Variants in SLC20A1 observed in about 807,000 individuals in gnomAD.
SLC20A1 encodes the protein solute carrier family 20 member 1, also known as sodium-dependent phosphate transporter 1.
A neutral mutation model predicts 62.7 loss-of-function variants in SLC20A1; 28 were observed. The observed-to-expected ratio is 0.45, with a 90% CI of 0.33 to 0.61. The LOEUF (loss-of-function observed/expected upper bound fraction) is 0.61. Ranked by LOEUF, SLC20A1 falls within the 20% of genes least tolerant of loss-of-function variation. The pLI is 0.02. For synonymous variants in SLC20A1, 305 were observed against 302.9 expected (o/e 1.01, Z -0.07); for missense variants, 673 against 838.6 (o/e 0.80, Z 2.44).
chr2:112,647,389 G>A lies in SLC20A1; in HGVS notation c.400G>A (p.Val134Ile). The A allele has an allele frequency of 6.2e-7, 1 of 1,614,106 alleles. No homozygotes were observed. Among genetic ancestry groups the A allele is most frequent in the Non-Finnish European group, 8.5e-7 (1 of 1,179,984 alleles). ...KLPISGTHCI[V>I]GATIGFSLVA... ...CCCTATTTCTGGAACCCATTGTATT[G>A]TTGGTGCAACTATTGGTTTCTCCCT... The change falls in exon 3 of 11, where the codon GTT (valine) becomes ATT (isoleucine). Residue 134 changes from valine (V) to isoleucine (I), a missense_variant. Val to Ile is a conservative substitution (Grantham distance 29). Coordinates refer to ENST00000272542, the MANE Select transcript of SLC20A1 (RefSeq NM_005415.5).
chr2:112,660,147 T>C (rs1233017884), intron 8 of SLC20A1, among the ~76,000 whole-genome samples: 2 of 152,226 alleles, frequency 1.3e-5, no homozygotes, highest in African/African-American at 4.8e-5. Context: ...AGAGTTGCTT[T>C]AAGCTGCCTA....
chr2:112,655,962 A>G (rs1250920534), intron 5 of SLC20A1, among the ~76,000 whole-genome samples: 2 of 151,974 alleles, frequency 1.3e-5, no homozygotes, highest in Non-Finnish European at 2.9e-5. Context: ...CAGCCTCCCA[A>G]AGTGCTGGGA....
At chr2:112,648,982 T>C (rs1183678147) in intron 4 of SLC20A1, among the ~76,000 whole-genome samples, 1 of 152,254 alleles carries the variant, frequency 6.6e-6, no homozygotes, top group Non-Finnish European at 1.5e-5. Flanking sequence ...GAAGCATTAG[T>C]AGGATCTCCT....
chr2:112,648,892 C>A lies in SLC20A1; in HGVS notation c.561+1154C>A, dbSNP rs193077553. Among the ~76,000 whole-genome samples the A allele has an allele frequency of 1.9e-4, 29 of 152,346 alleles. 1 individual carries two copies. In the East Asian group the frequency reaches 5.2e-3, roughly 27 times the overall value. On this transcript the variant is annotated intron_variant, in intron 4 of 10. Coordinates refer to ENST00000272542, the MANE Select transcript of SLC20A1 (RefSeq NM_005415.5). The stretch of plus-strand genomic sequence containing the variant: ...TGGGATGCTTAAATTAGAGGCTCAC[C>A]AGTAGTCATGGACCAGATTTTTTTG...
At position 112,663,201 on chromosome 2, in the gene SLC20A1, C is replaced by A. The variant is rs74335232; in HGVS notation, c.*176C>A. On this transcript the variant is annotated 3_prime_UTR_variant, in exon 11 of 11. Transcript: ENST00000272542. The stretch of plus-strand genomic sequence containing the variant: ...CTTTTGTGCTAAATATGAATTGTCT[C>A]AAAATTAGCTGTGTAAAATAGCCCG... 0.02 allele frequency: 15,464 copies of A among 784,254 alleles called. 224 individuals carry two copies. Among genetic ancestry groups the A allele is most frequent in the Admixed American group, 0.02 (1,011 of 49,758 alleles). 48.6% of individuals were successfully genotyped at this position (784,254 alleles called of 1,614,324 possible).
At position 112,662,447 on chromosome 2, in the gene SLC20A1, G is replaced by C. The variant is rs554433628; in HGVS notation, c.1879-417G>C. Among the ~76,000 whole-genome samples the C allele has an allele frequency of 3.4e-4, 33 of 98,184 alleles. No individual in the cohort carries two copies. In the South Asian group the frequency reaches 0.014, roughly 41 times the overall value. 64.4% of individuals were successfully genotyped at this position (98,184 alleles called of 152,430 possible). On this transcript the variant is annotated intron_variant, in intron 10 of 10. Transcript: ENST00000272542. ...ATACAAAAAATTAGCTAGGCGTGGT[G>C]GTGGGTGCCTGTAATCCCAGCACTT...
chr2:112,647,705 A>T lies in SLC20A1; in HGVS notation c.528A>T (p.Leu176Phe). ...PLLSGIMSGI[L>F]FFLVRAFILH... is the part of the protein sequence containing the mutation. ...TTTCTGGAATTATGTCTGGAATTTT[A>T]TTCTTCCTGGTTCGTGCATTCATCC... Residue 176 changes from leucine to phenylalanine, a missense_variant, in exon 4 of 11, where the codon TTA becomes TTT. By Grantham distance (22) the Leu-to-Phe change is conservative. Coordinates refer to ENST00000272542, the MANE Select transcript of SLC20A1 (RefSeq NM_005415.5). The T allele has an allele frequency of 6.2e-7, 1 of 1,614,058 alleles. No homozygotes were observed. The highest frequency in any genetic ancestry group is 8.5e-7 in the Non-Finnish European group (1 of 1,179,958).
chr2:112,651,805 TC>T (rs1238459736), intron 4 of SLC20A1: 1 of 152,236 alleles, frequency 6.6e-6, no homozygotes, highest in African/African-American at 2.4e-5. Context: ...GCCTTACTGT[TC>T]CTTAAACATT....
chr2:112,660,690 C>G, intron 9 of SLC20A1, 118 bp downstream of exon 9: 1 of 801,702 alleles, frequency 1.2e-6, no homozygotes, highest in Non-Finnish European at 1.8e-6. Flanking sequence ...TCATGATGTT[C>G]TTATTGTCAT....
intron 9 of SLC20A1, chr2:112,660,836 C>T (rs1686729732): frequency 2.4e-6 from 1 of 416,568 alleles, no homozygotes; most frequent in Non-Finnish European, 4.1e-6. Flanking sequence ...GTTATGTATA[C>T]TTGCCTTTTA....
chr2:112,658,598 A>T (rs1686663049), intron 6 of SLC20A1: 2 of 465,130 alleles, frequency 4.3e-6, no homozygotes, highest in African/African-American at 4.0e-5. Flanking sequence ...ATATTTACAG[A>T]AAAATTTTGG....
rs558248507 is a variant in SLC20A1, at chr2:112,646,881, T to C, written c.53T>C (p.Leu18Ser). ...GCTGCTACCGCCGCTTCTGGTCCTTTGGTGGACTACCTATGGATGCTCATC... is the reference window on the plus strand; with the variant it reads ...GCTGCTACCGCCGCTTCTGGTCCTTCGGTGGACTACCTATGGATGCTCATC... ...TTAATAASGP[L>S]VDYLWMLILG... Residue 18 changes from leucine to serine, a missense_variant, in exon 2 of 11, where the codon TTG becomes TCG. Leu to Ser is a moderately radical substitution (Grantham distance 145). Transcript: ENST00000272542. 1.2e-6 allele frequency: 2 copies of C among 1,613,974 alleles called. No homozygotes were observed. Among genetic ancestry groups the C allele is most frequent in the East Asian group, 2.2e-5 (1 of 44,882 alleles).
In SLC20A1 at chr2:112,663,724, A is replaced by G. The variant is rs1483818812; in HGVS notation, c.*699A>G. 1.3e-5 allele frequency: 2 copies of G among 153,194 alleles called. No individual in the cohort carries two copies. The highest frequency in any genetic ancestry group is 6.5e-5 in the Admixed American group (1 of 15,312). 9.5% of individuals were successfully genotyped at this position (153,194 alleles called of 1,614,324 possible). ...GATTTCTGGCAGTGTGGGATGGATG[A>G]ATGAAGTGGAATGTGAACTTTGGGC... On this transcript the variant is annotated 3_prime_UTR_variant, in exon 11 of 11. Transcript: ENST00000272542.
intron 4 of SLC20A1, chr2:112,652,396 T>C (rs1574182852): frequency 4.9e-6 from 2 of 408,488 alleles, no homozygotes; most frequent in Non-Finnish European, 8.9e-6. Context: ...GTGCTGAAGT[T>C]TATATTAGGG....
chr2:112,654,762 G>A (rs1686536852), intron 5 of SLC20A1, among the ~76,000 whole-genome samples: 1 of 151,872 alleles, frequency 6.6e-6, no homozygotes, highest in South Asian at 2.1e-4. Flanking sequence ...CAGGTGCAGT[G>A]GCAGGCGCCT....
At chr2:112,655,944 A>G (rs1025360578) in intron 5 of SLC20A1, among the ~76,000 whole-genome samples, 3 of 151,728 alleles carry the variant, frequency 2.0e-5, no homozygotes, top group Non-Finnish European at 4.4e-5. Flanking sequence ...CAGGTGCTCC[A>G]CCTGTCTCAG....
chr2:112,648,001 A>C (rs1464040426), intron 4 of SLC20A1, among the ~76,000 whole-genome samples: 1 of 152,096 alleles, frequency 6.6e-6, no homozygotes, highest in Non-Finnish European at 1.5e-5. Context: ...AAAATAAGGA[A>C]ATTTATTTTG....
intron 5 of SLC20A1, among the ~76,000 whole-genome samples, chr2:112,655,730 T>C (rs1686567168): frequency 6.6e-6 from 1 of 152,098 alleles, no homozygotes; most frequent in Non-Finnish European, 1.5e-5. Context: ...AGTTTCGCTC[T>C]TGTCACCCAG....
intron 5 of SLC20A1, 154 bp from the exon 6 acceptor site, chr2:112,656,968 C>A: frequency 1.1e-6 from 1 of 893,342 alleles, no homozygotes; most frequent in Non-Finnish European, 1.9e-6. Context: ...TGTATAGGCA[C>A]TAGCACAGTA....
Sources: gnomAD v4.1 joint callset for allele counts (sites outside exome capture counted in the v4.1 genomes callset) on GRCh38, gnomAD v4.1.1 for gene constraint, MANE v1.5 for transcripts, NCBI Gene and HGNC (gene_info 2026-07-23, HGNC 2026-07-21) for gene names.